The following PCOLCE2 variants were observed in gnomAD, a reference collection of about 807,000 sequenced individuals.
PCOLCE2 encodes procollagen C-endopeptidase enhancer 2.
A neutral mutation model predicts 47.0 loss-of-function variants in PCOLCE2; 42 were observed. That is an observed-to-expected ratio of 0.89 (90% CI 0.70 to 1.16). PCOLCE2 has a LOEUF of 1.16. Ranked by LOEUF, PCOLCE2 falls within the 50% of genes most tolerant of loss-of-function variation. The pLI, the probability that PCOLCE2 is intolerant of heterozygous loss-of-function variation, is 0.00. For missense variants in PCOLCE2, 500 were observed against 526.1 expected, an observed-to-expected ratio of 0.95 and a Z score of 0.49; for synonymous variants, 169 against 191.7, an observed-to-expected ratio of 0.88 and a Z score of 0.98.
intron 2 of PCOLCE2, 79 bp from the exon 3 acceptor site, chr3:142,848,551 G>A (rs1358838458): frequency 8.0e-7 from 1 of 1,243,384 alleles, no homozygotes. Context: ...TTACTTAAGT[G>A]TGTAAAGTAT....
intron 5 of PCOLCE2, among the ~76,000 whole-genome samples, chr3:142,831,413 G>C (rs1299216551): frequency 2.6e-5 from 4 of 152,166 alleles, no homozygotes; most frequent in Non-Finnish European, 5.9e-5. Flanking sequence ...CCCAGATGTG[G>C]TCCCTTGACC....
chr3:142,828,568 C>T (rs903986507), intron 6 of PCOLCE2, among the ~76,000 whole-genome samples: 1 of 152,038 alleles, frequency 6.6e-6, no homozygotes, highest in Non-Finnish European at 1.5e-5. Flanking sequence ...CCTATGAGTG[C>T]GGCTACCGAT....
rs192944373 is a variant in PCOLCE2, at chr3:142,842,632, G to A, written c.573+292C>T. Among the ~76,000 whole-genome samples the A allele has an allele frequency of 8.3e-4, 127 of 152,098 alleles. 1 individual carries two copies. Among genetic ancestry groups the A allele is most frequent in the African/African-American group, 2.8e-3 (115 of 41,470 alleles). On this transcript the variant is annotated intron_variant, in intron 4 of 8. Transcript: ENST00000295992. This position sits in a 1 kb window ranked among gnomAD's most constrained non-coding sequence, Gnocchi z 4.1. ...CGCGTGCCTGTAATCTCAGCTACTC[G>A]TGAGGCTGAGGCAGGAGAATCGCTT...
intron 2 of PCOLCE2, chr3:142,887,302 G>A (rs1019306504): frequency 4.2e-5 from 7 of 165,244 alleles, no homozygotes; most frequent in Admixed American, 3.7e-4. Flanking sequence ...ATTTCCCACT[G>A]GGAATTTATG....
intron 6 of PCOLCE2, chr3:142,827,686 C>A: frequency 7.9e-7 from 1 of 1,262,080 alleles, no homozygotes. Context: ...CGCGGAAGAC[C>A]ACCTTGGGGA....
At chr3:142,888,278 A>G (rs1933751763) in intron 1 of PCOLCE2, among the ~76,000 whole-genome samples, 1 of 152,190 alleles carries the variant, frequency 6.6e-6, no homozygotes, top group Admixed American at 6.5e-5. Flanking sequence ...ATGTTGATGG[A>G]GGCTGAAGAG....
chr3:142,834,969 T>C (rs549380884), intron 5 of PCOLCE2, among the ~76,000 whole-genome samples: 1 of 152,248 alleles, frequency 6.6e-6, no homozygotes, highest in East Asian at 1.9e-4. Flanking sequence ...ATTAAATTTC[T>C]TTAGTGATCA....
At position 142,820,880 on chromosome 3, in the gene PCOLCE2, C is replaced by T; in HGVS notation, c.1115G>A (p.Arg372Lys). 1.2e-6 allele frequency: 2 copies of T among 1,611,976 alleles called. No individual in the cohort carries two copies. The highest frequency in any genetic ancestry group is 1.7e-6 in the Non-Finnish European group (2 of 1,178,298). The change falls in exon 8 of 9, where the codon AGA (arginine) becomes AAA (lysine). Residue 372 changes from arginine to lysine, a missense_variant and splice_region_variant. Arg to Lys is a conservative substitution (Grantham distance 26). Transcript: ENST00000295992. ...VVCKQCPLLR[R>K]GLNYIIMGQV... ...CACCCAGTTTTCTCCCTACTCACCT[C>T]TTCTGAGGAGAGGGCACTGCTTGCA...
intron 2 of PCOLCE2, among the ~76,000 whole-genome samples, chr3:142,886,887 C>T (rs1001943318): frequency 1.3e-5 from 2 of 152,186 alleles, no homozygotes; most frequent in African/African-American, 4.8e-5. Context: ...TTTAAAAAAT[C>T]TAAGTCCTCC....
At position 142,870,706 on chromosome 3, in the gene PCOLCE2, ATTTTTT is replaced by A. The variant is rs200280430; in HGVS notation, c.192+16957_192+16962del. Among the ~76,000 whole-genome samples, 3 of 135,372 alleles carry A rather than the reference ATTTTTT, an allele frequency of 2.2e-5. No homozygotes were observed. In the South Asian group the frequency reaches 7.2e-4, roughly 33 times the overall value. 88.8% of individuals were successfully genotyped at this position (135,372 alleles called of 152,430 possible). On this transcript the variant is annotated intron_variant, in intron 2 of 8. Transcript: ENST00000295992. The stretch of plus-strand genomic sequence containing the variant: ...ATTGCCATTATCAGTGAATGAGGCA[ATTTTTT>A]TTTTTTTTTTTTTTACTATATACTG...
chr3:142,872,323 A>ATT (rs1207052208), intron 2 of PCOLCE2, among the ~76,000 whole-genome samples: 1 of 151,686 alleles, frequency 6.6e-6, no homozygotes, highest in Admixed American at 6.6e-5. Context: ...TGACTGCGCT[A>ATT]TTTTCTACGG....
chr3:142,849,218 G>A (rs750554039), intron 2 of PCOLCE2, among the ~76,000 whole-genome samples: 7 of 152,114 alleles, frequency 4.6e-5, no homozygotes, highest in Non-Finnish European at 1.0e-4. Context: ...TGTATAGAAT[G>A]TTTCTATGAA....
intron 2 of PCOLCE2, among the ~76,000 whole-genome samples, chr3:142,881,693 A>G (rs1236225177): frequency 6.6e-6 from 1 of 152,218 alleles, no homozygotes; most frequent in Non-Finnish European, 1.5e-5. Flanking sequence ...GAAAAGGTAC[A>G]ATAAAAATAT....
In PCOLCE2 at chr3:142,839,749, T is replaced by C. The variant is rs1578034628; in HGVS notation, c.574-843A>G. 2.0e-5 allele frequency among the ~76,000 whole-genome samples: 3 copies of C among 152,212 alleles called. No homozygotes were observed. In the East Asian group the frequency reaches 5.8e-4, roughly 29 times the overall value. On this transcript the variant is annotated intron_variant, in intron 4 of 8. Transcript: ENST00000295992. ...ATATATCAAAATATAATGTTGCACATGATAAATATATATGTTGCACATATA... is the reference window on the plus strand; with the variant it reads ...ATATATCAAAATATAATGTTGCACACGATAAATATATATGTTGCACATATA...
chr3:142,846,257 G>T (rs151277269), intron 3 of PCOLCE2, among the ~76,000 whole-genome samples: 1 of 152,162 alleles, frequency 6.6e-6, no homozygotes, highest in South Asian at 2.1e-4. Context: ...GGAGGGCAGT[G>T]GCGCAATCTC....
At chr3:142,851,587 G>C (rs1932944322) in intron 2 of PCOLCE2, among the ~76,000 whole-genome samples, 1 of 152,164 alleles carries the variant, frequency 6.6e-6, no homozygotes, top group South Asian at 2.1e-4. Flanking sequence ...AATAACAGTG[G>C]AAGTGGGAGG....
intron 2 of PCOLCE2, among the ~76,000 whole-genome samples, chr3:142,869,925 G>A (rs1328651629): frequency 6.6e-6 from 1 of 152,110 alleles, no homozygotes; most frequent in Non-Finnish European, 1.5e-5. Flanking sequence ...GTCCTATTTG[G>A]TTCAGAATAA....
At chr3:142,843,118 T>C (rs1212907719) in intron 3 of PCOLCE2, 70 bp from the exon 4 acceptor site, 10 of 1,476,058 alleles carry the variant, frequency 6.8e-6, no homozygotes, top group African/African-American at 2.8e-5. Context: ...CATGTGGAGA[T>C]TAGGAATGTG....
intron 5 of PCOLCE2, 100 bp downstream of exon 5, chr3:142,838,670 C>A: frequency 1.9e-6 from 2 of 1,069,598 alleles, no homozygotes; most frequent in Non-Finnish European, 2.8e-6. Context: ...AAAACAACAA[C>A]AACATAAAAT....
Sources: allele counts gnomAD v4.1 joint callset (sites outside exome capture counted in the v4.1 genomes callset), GRCh38; gene constraint gnomAD v4.1.1; non-coding constraint Gnocchi (gnomAD v3.1); transcripts MANE v1.5; gene names NCBI Gene and HGNC (gene_info 2026-07-23, HGNC 2026-07-21).